Variants in STK3 observed in about 807,000 individuals in gnomAD.
STK3 encodes the protein serine/threonine-protein kinase 3.
In STK3, 41 loss-of-function variants were observed where a neutral mutation model predicts 58.0. That is an observed-to-expected ratio of 0.71 (90% CI 0.55 to 0.92). The LOEUF (loss-of-function observed/expected upper bound fraction) is 0.92, where lower values mean the gene tolerates loss of function less well. Among genes scored for constraint, STK3 ranks in the 40% least tolerant of loss-of-function variants. The pLI, the probability that STK3 is intolerant of heterozygous loss-of-function variation, is 0.00. For missense variants in STK3, 479 were observed against 602.7 expected (o/e 0.79, Z 2.15); for synonymous variants, 170 against 191.0 (o/e 0.89, Z 0.91).
intron 3 of STK3, chr8:98,413,376 A>G: frequency 3.7e-6 from 2 of 533,486 alleles, no homozygotes; most frequent in Non-Finnish European, 7.5e-6. Context: ...GATTTCTGGC[A>G]TATCTTGGAT....
downstream of STK3, among the ~76,000 whole-genome samples, chr8:98,452,664 G>A (rs1205662032): frequency 6.6e-6 from 1 of 151,924 alleles, no homozygotes; most frequent in Non-Finnish European, 1.5e-5. Context: ...CAGCAACCAG[G>A]TTAAAATAGG....
chr8:98,621,835 A>G (rs1441381929), intron 6 of STK3, among the ~76,000 whole-genome samples: 2 of 152,094 alleles, frequency 1.3e-5, no homozygotes, highest in African/African-American at 4.8e-5. Context: ...ATCACTGGTA[A>G]TTGCTTACAT....
chr8:98,801,908 A>T (rs1048109973), intron 1 of STK3, among the ~76,000 whole-genome samples: 1 of 152,200 alleles, frequency 6.6e-6, no homozygotes, highest in Non-Finnish European at 1.5e-5. Context: ...ACAGTGGCTC[A>T]TACCTGCAAT....
At chr8:98,813,726 A>C (rs1274321002) in intron 1 of STK3, among the ~76,000 whole-genome samples, 1 of 152,178 alleles carries the variant, frequency 6.6e-6, no homozygotes, top group Non-Finnish European at 1.5e-5. Flanking sequence ...TAACAAACCT[A>C]TACAAAATTA....
chr8:98,512,168 G>A (rs1040208077), intron 10 of STK3, among the ~76,000 whole-genome samples: 6 of 150,268 alleles, frequency 4.0e-5, no homozygotes, highest in East Asian at 2.0e-4. Context: ...TCCCCCTCCT[G>A]TGTCCATGTG....
At chr8:98,626,690 T>C (rs899439777) in intron 6 of STK3, among the ~76,000 whole-genome samples, 11 of 152,188 alleles carry the variant, frequency 7.2e-5, no homozygotes, top group Non-Finnish European at 1.5e-4. Context: ...TCTAATAAAG[T>C]AGAGACAATG....
At chr8:98,464,248 C>T (rs1820243552) in intron 10 of STK3, among the ~76,000 whole-genome samples, 1 of 152,138 alleles carries the variant, frequency 6.6e-6, no homozygotes, top group Non-Finnish European at 1.5e-5. Flanking sequence ...TTTACCAGTG[C>T]ATGTCTCAGA....
intron 6 of STK3, among the ~76,000 whole-genome samples, chr8:98,697,705 G>C (rs1348872178): frequency 2.0e-5 from 3 of 152,184 alleles, no homozygotes; most frequent in Admixed American, 6.5e-5. Context: ...TAGTTTGATT[G>C]CACTGTAGTT....
At chr8:98,621,630 A>G (rs561624530) in intron 6 of STK3, among the ~76,000 whole-genome samples, 67 of 151,606 alleles carry the variant, frequency 4.4e-4, no homozygotes, top group African/African-American at 1.5e-3. Flanking sequence ...ATTGCATCAA[A>G]TTTTTTTTTC....
At chr8:98,728,632 G>A (rs1050728947) in intron 4 of STK3, among the ~76,000 whole-genome samples, 2 of 152,108 alleles carry the variant, frequency 1.3e-5, no homozygotes, top group Admixed American at 1.3e-4. Flanking sequence ...CTGAAAAAGA[G>A]ATCAGAAGAC....
intron 1 of STK3, among the ~76,000 whole-genome samples, chr8:98,445,691 G>A (rs918795649): frequency 2.6e-5 from 4 of 152,060 alleles, no homozygotes; most frequent in African/African-American, 7.2e-5. Context: ...CTTTTCACTC[G>A]GAGCATGCAG....
At chr8:98,818,967 C>T (rs994530864) in intron 1 of STK3, among the ~76,000 whole-genome samples, 5 of 152,084 alleles carry the variant, frequency 3.3e-5, no homozygotes, top group African/African-American at 1.2e-4. Flanking sequence ...ACTACAGATG[C>T]CCGCCACCAT....
intron 2 of STK3, among the ~76,000 whole-genome samples, chr8:98,768,350 C>G (rs184180831): frequency 6.6e-6 from 1 of 152,108 alleles, no homozygotes; most frequent in Admixed American, 6.5e-5. Flanking sequence ...TGGAAAACAT[C>G]GAATGTTTCC....
intron 6 of STK3, among the ~76,000 whole-genome samples, chr8:98,676,732 T>C (rs1353954933): frequency 1.3e-5 from 2 of 152,142 alleles, no homozygotes; most frequent in African/African-American, 2.4e-5. Context: ...ACAGTGTAAA[T>C]GTGTATATAA....
chr8:98,870,669 G>A (rs1332365436), intron 3 of STK3, among the ~76,000 whole-genome samples: 1 of 152,258 alleles, frequency 6.6e-6, no homozygotes, highest in African/African-American at 2.4e-5. Context: ...CATATCCTTT[G>A]CCCACTTTTT....
downstream of STK3, among the ~76,000 whole-genome samples, chr8:98,366,722 C>A (rs1238719472): frequency 6.6e-6 from 1 of 152,096 alleles, no homozygotes; most frequent in Admixed American, 6.5e-5. Flanking sequence ...CTCCACCCAC[C>A]CCCACCTGGC....
At chr8:98,842,938 G>A (rs77287772) in intron 3 of STK3, among the ~76,000 whole-genome samples, 5,087 of 152,086 alleles carry the variant, frequency 0.033, 114 homozygotes, top group Non-Finnish European at 0.048. Context: ...GATTGCTTGC[G>A]CCTGGGACGT....
At chr8:98,427,987 G>T in intron 3 of STK3, 1 of 1,547,858 alleles carries the variant, frequency 6.5e-7, no homozygotes, top group Non-Finnish European at 8.7e-7. Flanking sequence ...AGCATGACCG[G>T]CCAGAGCCTG....
the STK3 span, among the ~76,000 whole-genome samples, chr8:98,351,576 G>T: frequency 2.9e-4 from 44 of 152,208 alleles, no homozygotes; most frequent in Admixed American, 2.2e-3. Flanking sequence ...GTTAATAAAA[G>T]TTCTGTCATC....
Sources: allele counts gnomAD v4.1 joint callset (sites outside exome capture counted in the v4.1 genomes callset), GRCh38; gene constraint gnomAD v4.1.1; transcripts MANE v1.5; gene names NCBI Gene and HGNC (gene_info 2026-07-23, HGNC 2026-07-21).